SMPDL3A: variants seen among roughly 807,000 people sequenced by gnomAD.
SMPDL3A encodes the protein cyclic GMP-AMP phosphodiesterase SMPDL3A.
Under a neutral mutation model 38.5 loss-of-function variants are expected in SMPDL3A, and 39 were observed. The observed-to-expected ratio is 1.01, with a 90% CI of 0.78 to 1.32. SMPDL3A has a LOEUF of 1.32. Ranked by LOEUF, SMPDL3A falls within the 40% of genes most tolerant of loss-of-function variation. The pLI is 0.00. For synonymous variants in SMPDL3A, 180 were observed against 194.3 expected, an observed-to-expected ratio of 0.93 and a Z score of 0.61; for missense variants, 502 against 536.2, an observed-to-expected ratio of 0.94 and a Z score of 0.63.
intron 7 of SMPDL3A, among the ~76,000 whole-genome samples, chr6:122,807,565 C>T (rs927753128): frequency 1.3e-5 from 2 of 152,186 alleles, no homozygotes; most frequent in Non-Finnish European, 2.9e-5. Flanking sequence ...TTTGGAGCAG[C>T]TTCATGGCTC....
intron 4 of SMPDL3A, 137 bp from the exon 5 acceptor site, chr6:122,803,527 C>T (rs997779353): frequency 3.1e-6 from 2 of 635,106 alleles, no homozygotes; most frequent in African/African-American, 3.7e-5. Flanking sequence ...CTAATGACAG[C>T]CTATCTATGT....
At chr6:122,807,447 C>A (rs898061974) in intron 7 of SMPDL3A, among the ~76,000 whole-genome samples, 1 of 152,154 alleles carries the variant, frequency 6.6e-6, no homozygotes, top group South Asian at 2.1e-4. Context: ...TGCAGTGAGC[C>A]GAGATTGCGC....
chr6:122,789,523 C>A, intron 1 of SMPDL3A, 65 bp downstream of exon 1: 1 of 1,390,026 alleles, frequency 7.2e-7, no homozygotes, highest in Non-Finnish European at 1.0e-6. Context: ...CGCCTGCGCA[C>A]AGCAGGAGAA....
In SMPDL3A at chr6:122,806,290, T is replaced by A. The variant is rs779951175; in HGVS notation, c.977T>A (p.Leu326Ter). ...GCTGTTACACCAGTGAAGAGTGTTT[T>A]AGAAAAACAGACCAACAATCCTGGT... ...APAVTPVKSV[L>*]EKQTNNPGIR... The change falls in exon 7 of 8, where the codon TTA (leucine) becomes TAA (stop). Residue 326 changes from leucine to a stop codon, truncating the protein, a stop_gained. Transcript: ENST00000368440. LOFTEE classifies it high-confidence loss of function. 26 of 1,613,442 alleles carry A rather than the reference T, an allele frequency of 1.6e-5. No homozygotes were observed. The Admixed American group carries it at 4.2e-4, about 26-fold the overall frequency.
At position 122,808,982 on chromosome 6, in the gene SMPDL3A, C is replaced by G. The variant is rs978767114; in HGVS notation, c.1045-109C>G. 13 of 879,450 alleles carry G rather than the reference C, an allele frequency of 1.5e-5. No individual in the cohort carries two copies. In the South Asian group the frequency reaches 2.0e-4, roughly 13 times the overall value. The allele number at this position is 879,450 out of a possible 1,614,324, so 54.5% of individuals were successfully genotyped here. A position where few individuals can be genotyped will look rare whatever the true frequency, so the allele number is the denominator to read the frequency against. On this transcript the variant is annotated intron_variant, in intron 7 of 7. Transcript: ENST00000368440. Reference sequence around the variant, plus strand: ...GTGCTAGGATTACAGGCGTGAGCCACAGCGCCAAGCCTAAAATGTCACAGA... The same window carrying G: ...GTGCTAGGATTACAGGCGTGAGCCAGAGCGCCAAGCCTAAAATGTCACAGA...
intron 1 of SMPDL3A, among the ~76,000 whole-genome samples, chr6:122,795,277 G>T (rs1344570398): frequency 2.6e-5 from 4 of 152,126 alleles, no homozygotes; most frequent in African/African-American, 9.7e-5. Flanking sequence ...AAATAGCTGG[G>T]ATTACAGGCG....
intron 4 of SMPDL3A, 106 bp from the exon 5 acceptor site, chr6:122,803,558 T>C: frequency 1.3e-6 from 1 of 773,338 alleles, no homozygotes; most frequent in Middle Eastern, 3.6e-4. Flanking sequence ...CAATGAGAAA[T>C]AAGCACCAAC....
intron 7 of SMPDL3A, among the ~76,000 whole-genome samples, chr6:122,808,620 T>TCCC (rs1304542004): frequency 9.9e-6 from 1 of 100,570 alleles, no homozygotes; most frequent in East Asian, 3.5e-4. Flanking sequence ...CCTTCCTTCC[T>TCCC]TCCTTCCTTC....
chr6:122,789,433 C>G lies in SMPDL3A; in HGVS notation c.87C>G (p.Gly29=), dbSNP rs1461860056. The G allele has an allele frequency of 3.2e-6, 5 of 1,549,356 alleles. No individual in the cohort carries two copies. Among genetic ancestry groups the G allele is most frequent in the Non-Finnish European group, 4.4e-6 (5 of 1,146,266 alleles). ...SGLGLPVAPA[G]GRNPPPAIGQ... is the part of the protein sequence containing the mutation. ...TCGGGCTGCCCGTGGCGCCCGCAGG[C>G]GGCAGGAATCCTCCTCCGGCGATAG... The change falls in exon 1 of 8, where the codon GGC becomes GGG. Residue 29 remains glycine, a synonymous_variant. Transcript: ENST00000368440.
At chr6:122,798,179 A>G (rs540509583) in intron 3 of SMPDL3A, among the ~76,000 whole-genome samples, 66 of 152,286 alleles carry the variant, frequency 4.3e-4, no homozygotes, top group African/African-American at 1.5e-3. Flanking sequence ...TTCTAGAATA[A>G]GCTTAAGTTT....
intron 3 of SMPDL3A, among the ~76,000 whole-genome samples, chr6:122,799,184 T>G (rs1341510323): frequency 6.6e-6 from 1 of 152,224 alleles, no homozygotes; most frequent in East Asian, 1.9e-4. Context: ...CCTGGAGAAT[T>G]CTTCCTGTTG....
At chr6:122,808,239 C>A (rs142077333) in intron 7 of SMPDL3A, among the ~76,000 whole-genome samples, 80 of 152,262 alleles carry the variant, frequency 5.3e-4, no homozygotes, top group Non-Finnish European at 1.0e-3. Context: ...CAATGGAGTA[C>A]TGACAAATGT....
intron 7 of SMPDL3A, among the ~76,000 whole-genome samples, chr6:122,808,218 C>G (rs1223590477): frequency 6.6e-6 from 1 of 152,142 alleles, no homozygotes; most frequent in East Asian, 1.9e-4. Flanking sequence ...AAGCCTAGAT[C>G]ACCACGCATA....
chr6:122,802,465 G>C (rs1354489257), intron 4 of SMPDL3A, among the ~76,000 whole-genome samples: 5 of 152,144 alleles, frequency 3.3e-5, no homozygotes, highest in African/African-American at 4.8e-5. Context: ...GCCTCCCAAA[G>C]TGCTGGGATT....
At chr6:122,808,155 C>A (rs1220014521) in intron 7 of SMPDL3A, among the ~76,000 whole-genome samples, 2 of 151,808 alleles carry the variant, frequency 1.3e-5, no homozygotes, top group Non-Finnish European at 2.9e-5. Context: ...TTGAAAAAGC[C>A]AAAAATGTAA....
chr6:122,789,881 G>A (rs1326861290), intron 1 of SMPDL3A: 3 of 984,386 alleles, frequency 3.0e-6, no homozygotes, highest in South Asian at 9.4e-5. Flanking sequence ...AATGGAGGGG[G>A]ACTGCAGTTT....
chr6:122,797,285 T>C (rs540290034), intron 3 of SMPDL3A: 76 of 236,602 alleles, frequency 3.2e-4, no homozygotes, highest in African/African-American at 1.6e-3. Flanking sequence ...TCTGGTTCAT[T>C]TGCATGTCCA....
At chr6:122,794,136 G>T (rs1182275142) in intron 1 of SMPDL3A, among the ~76,000 whole-genome samples, 1 of 152,116 alleles carries the variant, frequency 6.6e-6, no homozygotes, top group Non-Finnish European at 1.5e-5. Context: ...CCCAGCACTG[G>T]TTTTTCAATT....
chr6:122,807,281 G>A (rs1016935140), intron 7 of SMPDL3A, among the ~76,000 whole-genome samples: 6 of 152,106 alleles, frequency 3.9e-5, no homozygotes, highest in Non-Finnish European at 5.9e-5. Flanking sequence ...GGTGGATCAC[G>A]AGGTCAGGAA....
Sources: allele counts gnomAD v4.1 joint callset (sites outside exome capture counted in the v4.1 genomes callset), GRCh38; gene constraint gnomAD v4.1.1; transcripts MANE v1.5; gene names NCBI Gene and HGNC (gene_info 2026-07-23, HGNC 2026-07-21).